SUPT6H: variants seen among roughly 807,000 people sequenced by gnomAD.
The protein encoded by SUPT6H is transcription elongation factor SPT6.
SUPT6H carries 11 observed loss-of-function variants against 222.3 expected under a neutral mutation model. The ratio of observed to expected loss-of-function variants is 0.05; its 90% CI spans 0.03 to 0.08. The LOEUF (loss-of-function observed/expected upper bound fraction) is 0.08. Ranked by LOEUF, SUPT6H falls within the 10% of genes least tolerant of loss-of-function variation. The pLI is 1.00. For synonymous variants in SUPT6H, 762 were observed against 801.2 expected, an observed-to-expected ratio of 0.95 and a Z score of 0.83; for missense variants, 1,422 against 2,216.0, an observed-to-expected ratio of 0.64 and a Z score of 7.19.
At position 28,676,376 on chromosome 17, in the gene SUPT6H, C is replaced by G; in HGVS notation, c.843C>G (p.His281Gln). Residue 281 changes from histidine (H) to glutamine (Q), a missense_variant, in exon 7 of 37, where the codon CAC becomes CAG. Physicochemically the swap from His to Gln is conservative, Grantham distance 24. Around this residue, in one of 13 missense-constraint regions of SUPT6H, gnomAD observed 389 missense variants for 544.6 expected, o/e 0.71. Transcript: ENST00000314616. ...MYEPSELESS[H>Q]LTDQDNEIRA... The stretch of plus-strand genomic sequence containing the variant: ...AGCCCAGTGAGCTAGAAAGCAGCCA[C>G]CTCACAGATCAGGACAATGAAATCC... 6.2e-7 allele frequency: 1 copy of G among 1,613,874 alleles called. No homozygotes were observed. Among genetic ancestry groups the G allele is most frequent in the South Asian group, 1.1e-5 (1 of 91,066 alleles).
In SUPT6H at chr17:28,690,184, A is replaced by G; in HGVS notation, c.3445A>G (p.Ile1149Val). ...CTACCGCTCTCCCAACACAGAGGAG[A>G]TCTTCAATATGTTAACCAAAGAAAC... Reference protein sequence around the residue: ...TAYRSPNTEEIFNMLTKETPE... With the variant: ...TAYRSPNTEEVFNMLTKETPE... Residue 1149 changes from isoleucine to valine, a missense_variant, in exon 26 of 37, where the codon ATC becomes GTC. By Grantham distance (29) the Ile-to-Val change is conservative (BLOSUM62 3). Coordinates refer to ENST00000314616, the MANE Select transcript of SUPT6H (RefSeq NM_003170.5). 6.2e-7 allele frequency: 1 copy of G among 1,613,952 alleles called. No homozygotes were observed. Among genetic ancestry groups the G allele is most frequent in the Non-Finnish European group, 8.5e-7 (1 of 1,180,004 alleles).
At chr17:28,666,855 C>A (rs939050383) in intron 1 of SUPT6H, among the ~76,000 whole-genome samples, 5 of 152,172 alleles carry the variant, frequency 3.3e-5, no homozygotes, top group Non-Finnish European at 7.4e-5. Flanking sequence ...CCGCGCCCAG[C>A]CGAATAAATA....
intron 1 of SUPT6H, among the ~76,000 whole-genome samples, chr17:28,662,847 T>C (rs966878102): frequency 2.0e-5 from 3 of 152,232 alleles, no homozygotes; most frequent in Non-Finnish European, 4.4e-5. Context: ...TTTCTAAAGA[T>C]CGAAGGTCTT....
Position 28,683,432 on chromosome 17 carries a change from G to T in SUPT6H, c.2033+10G>T, listed in dbSNP as rs1204424219. The T allele has an allele frequency of 6.2e-7, 1 of 1,613,808 alleles. No homozygotes were observed. On this transcript the variant is annotated intron_variant, in intron 16 of 36. Transcript: ENST00000314616. The stretch of plus-strand genomic sequence containing the variant: ...TGAAGGGAGTGGAAGGGTAAGCAGA[G>T]CCCTGGGCTGGCGACTCTCTGGGGA...
intron 1 of SUPT6H, among the ~76,000 whole-genome samples, chr17:28,673,043 C>T (rs935776945): frequency 6.6e-6 from 1 of 150,854 alleles, no homozygotes; most frequent in Non-Finnish European, 1.5e-5. Flanking sequence ...CCCAGCTACT[C>T]GGGAGGCTAA....
chr17:28,676,669 A>G (rs183808527), intron 7 of SUPT6H, among the ~76,000 whole-genome samples: 33 of 152,304 alleles, frequency 2.2e-4, no homozygotes, highest in Admixed American at 1.8e-3. Flanking sequence ...GCTCACACCT[A>G]TAATCCCAGC....
rs766239889 is a variant in SUPT6H at position 28,701,071 on chromosome 17, C to CGGCCCA, written c.4945_4950dup (p.Ala1649_Gln1650dup). On this transcript the variant is annotated inframe_insertion, in exon 36 of 37. Coordinates refer to ENST00000314616, the MANE Select transcript of SUPT6H (RefSeq NM_003170.5). Reference sequence around the variant, plus strand: ...CTCCAGGCCAGCACCACCCCACAGTCGGCCCAGGCCCAGCCCCAGCCCTCT... The same window carrying CGGCCCA: ...CTCCAGGCCAGCACCACCCCACAGTCGGCCCAGGCCCAGGCCCAGCCCCAGCCCTCT... 6.2e-7 allele frequency: 1 copy of CGGCCCA among 1,613,884 alleles called. No homozygotes were observed. The highest frequency in any genetic ancestry group is 1.3e-5 in the African/African-American group (1 of 75,072).
Position 28,673,369 on chromosome 17 carries a change from A to T in SUPT6H, c.-31-2A>T. 2.0e-6 allele frequency: 3 copies of T among 1,535,996 alleles called. No individual in the cohort carries two copies. The highest frequency in any genetic ancestry group is 2.7e-6 in the Non-Finnish European group (3 of 1,109,874). ...TTATCCTTCACTCTTTTCTTTCCCTAGTTATCTTCAGGCAGAGTGAGAAGC... is the reference window on the plus strand; with the variant it reads ...TTATCCTTCACTCTTTTCTTTCCCTTGTTATCTTCAGGCAGAGTGAGAAGC... On this transcript the variant is annotated splice_acceptor_variant, in intron 1 of 36. Coordinates refer to ENST00000314616, the MANE Select transcript of SUPT6H (RefSeq NM_003170.5). LOFTEE classifies it low-confidence loss of function (5UTR_SPLICE).
chr17:28,697,263 T>A (rs2031968930), intron 30 of SUPT6H, among the ~76,000 whole-genome samples, 181 bp downstream of exon 30: 1 of 152,162 alleles, frequency 6.6e-6, no homozygotes, highest in Non-Finnish European at 1.5e-5. Context: ...GTCCCCTCCT[T>A]CCGTGTCCTC....
intron 1 of SUPT6H, among the ~76,000 whole-genome samples, chr17:28,664,154 A>G (rs1347668307): frequency 1.3e-5 from 2 of 152,158 alleles, no homozygotes; most frequent in East Asian, 3.9e-4. Flanking sequence ...GATTTTCTCC[A>G]TTTCTCCGGC....
chr17:28,691,702 T>C (rs985401611), intron 27 of SUPT6H: 1 of 151,306 alleles, frequency 6.6e-6, no homozygotes, highest in African/African-American at 2.4e-5. Context: ...TACAAAAAAT[T>C]AGCCAGGCAC....
intron 1 of SUPT6H, among the ~76,000 whole-genome samples, chr17:28,667,405 G>GTGTATATATA (rs1465539733): frequency 2.0e-4 from 10 of 49,302 alleles, no homozygotes; most frequent in Non-Finnish European, 3.1e-4. Context: ...GTGTGTGTGT[G>GTGTATATATA]TATATATATA....
intron 13 of SUPT6H, 32 bp from the exon 14 acceptor site, chr17:28,682,695 T>A (rs2031179531): frequency 6.2e-7 from 1 of 1,606,818 alleles, no homozygotes; most frequent in East Asian, 2.2e-5. Flanking sequence ...GCCTATCTGC[T>A]GCCTTACCCT....
intron 19 of SUPT6H, among the ~76,000 whole-genome samples, chr17:28,685,252 C>T (rs750252625): frequency 6.6e-6 from 1 of 152,128 alleles, no homozygotes; most frequent in African/African-American, 2.4e-5. Flanking sequence ...GTTCCAGCAG[C>T]TGAAAGCTAC....
chr17:28,682,963 T>C lies in SUPT6H; in HGVS notation c.1749T>C (p.Ala583=). The change falls in exon 15 of 37, where the codon GCT becomes GCC. Residue 583 remains alanine (A), a synonymous_variant. Transcript: ENST00000314616. The part of the protein sequence containing the change: ...YVCSQFPTPE[A]VLEGARYMVA... ...ACAGCCAGTTCCCTACTCCAGAAGC[T>C]GTGCTAGAAGGCGCCCGCTACATGG... The C allele has an allele frequency of 6.2e-7, 1 of 1,612,670 alleles. No homozygotes were observed. The highest frequency in any genetic ancestry group is 1.3e-5 in the African/African-American group (1 of 74,974).
rs960270306 is a variant in SUPT6H at position 28,682,872 on chromosome 17, G to A, written c.1727+16G>A. 5.0e-6 allele frequency: 8 copies of A among 1,613,980 alleles called. No individual in the cohort carries two copies. The African/African-American group carries it at 9.3e-5, about 19-fold the overall frequency. Reference sequence around the variant, plus strand: ...ACGTTTGCAGGTAGGCATGCAGCAGGTGGCTGACAGGAGGAGGGGCCTGAG... The same window carrying A: ...ACGTTTGCAGGTAGGCATGCAGCAGATGGCTGACAGGAGGAGGGGCCTGAG... On this transcript the variant is annotated intron_variant, in intron 14 of 36. Coordinates refer to ENST00000314616, the MANE Select transcript of SUPT6H (RefSeq NM_003170.5).
intron 19 of SUPT6H, among the ~76,000 whole-genome samples, chr17:28,685,466 T>C: frequency 8.8e-6 from 1 of 113,640 alleles, no homozygotes. Flanking sequence ...TAAATTTTAT[T>C]ATTATCATTA....
intron 30 of SUPT6H, 125 bp downstream of exon 30, chr17:28,697,207 C>A: frequency 1.3e-6 from 1 of 746,232 alleles, no homozygotes; most frequent in Non-Finnish European, 2.2e-6. Flanking sequence ...AGCAACAAAA[C>A]GGGAGGTGGT....
In SUPT6H at chr17:28,675,058, T is replaced by C; in HGVS notation, c.434T>C (p.Ile145Thr). The change falls in exon 5 of 37, where the codon ATT (isoleucine) becomes ACT (threonine). Residue 145 changes from isoleucine to threonine, a missense_variant. Ile to Thr is a moderately conservative substitution (Grantham distance 89, BLOSUM62 -1). Around this residue, in one of 13 missense-constraint regions of SUPT6H, gnomAD observed 389 missense variants for 544.6 expected, o/e 0.71. Transcript: ENST00000314616. The part of the protein sequence containing the change: ...YGKEEHEKEA[I>T]AEEIFQDGEG... ...AAGGAGGAACATGAAAAAGAAGCTA[T>C]TGCGGAAGAAATCTTCCAGGATGGG... 1 of 1,613,832 alleles carries C rather than the reference T, an allele frequency of 6.2e-7. No individual in the cohort carries two copies. The highest frequency in any genetic ancestry group is 8.5e-7 in the Non-Finnish European group (1 of 1,179,956).
Sources: allele counts gnomAD v4.1 joint callset (sites outside exome capture counted in the v4.1 genomes callset), GRCh38; gene constraint gnomAD v4.1.1; regional missense constraint gnomAD v4.1.1; transcripts MANE v1.5; gene names NCBI Gene and HGNC (gene_info 2026-07-23, HGNC 2026-07-21).